The following EXOC4 variants were observed in gnomAD, a reference collection of about 807,000 sequenced individuals.
EXOC4 encodes SEC8-like 1.
Under a neutral mutation model 107.2 loss-of-function variants are expected in EXOC4, and 71 were observed. The observed-to-expected ratio is 0.66, with a 90% CI of 0.55 to 0.81. The LOEUF (loss-of-function observed/expected upper bound fraction) is 0.81, where lower values mean the gene tolerates loss of function less well. Ranked by LOEUF, EXOC4 falls within the 30% of genes least tolerant of loss-of-function variation. The pLI, the probability that EXOC4 is intolerant of heterozygous loss-of-function variation, is 0.00. For synonymous variants in EXOC4, 456 were observed against 441.2 expected, an observed-to-expected ratio of 1.03 and a Z score of -0.42; for missense variants, 1,108 against 1,189.6, an observed-to-expected ratio of 0.93 and a Z score of 1.01.
chr7:133,514,515 T>C (rs1799836735), intron 9 of EXOC4, among the ~76,000 whole-genome samples: 2 of 152,298 alleles, frequency 1.3e-5, no homozygotes, highest in South Asian at 4.1e-4. Flanking sequence ...ATGTAATTTC[T>C]GATAAATCCA....
At chr7:133,278,329 G>A (rs1747278736) in intron 2 of EXOC4, among the ~76,000 whole-genome samples, 1 of 152,160 alleles carries the variant, frequency 6.6e-6, no homozygotes, top group African/African-American at 2.4e-5. Context: ...ATTCTAATCA[G>A]GGGAGACAGA....
At chr7:133,722,520 GTC>G (rs997007018) in intron 10 of EXOC4, among the ~76,000 whole-genome samples, 8 of 152,258 alleles carry the variant, frequency 5.3e-5, no homozygotes, top group Admixed American at 2.0e-4. Flanking sequence ...GCAATTGCAT[GTC>G]TCTATCAGTA....
chr7:133,925,600 T>C (rs1037982209), intron 13 of EXOC4, among the ~76,000 whole-genome samples: 4 of 152,182 alleles, frequency 2.6e-5, no homozygotes, highest in Admixed American at 1.3e-4. Flanking sequence ...CCTCATTTCA[T>C]TCATACCCTG....
chr7:133,480,131 A>G lies in EXOC4; in HGVS notation c.1410A>G (p.Glu470=). The change falls in exon 9 of 18, where the codon GAA becomes GAG. Residue 470 remains glutamate, a synonymous_variant. Coordinates refer to ENST00000253861, the MANE Select transcript of EXOC4 (RefSeq NM_021807.4). ...GGGAGCTCTATAGTCGGAGTGGAGAACTGCAAGGTGAGTGATTGAGCTTCT... is the reference window on the plus strand; with the variant it reads ...GGGAGCTCTATAGTCGGAGTGGAGAGCTGCAAGGTGAGTGATTGAGCTTCT... ...QRRELYSRSG[E]LQGGPDDNLI... 6.2e-7 allele frequency: 1 copy of G among 1,613,948 alleles called. No homozygotes were observed. The highest frequency in any genetic ancestry group is 8.5e-7 in the Non-Finnish European group (1 of 1,179,850).
intron 10 of EXOC4, among the ~76,000 whole-genome samples, chr7:133,716,890 A>G (rs12707115): frequency 0.43 from 64,630 of 152,002 alleles, 13,963 homozygotes; most frequent in South Asian, 0.54. Flanking sequence ...TGGTGAGCCC[A>G]GATCACACCC....
At chr7:133,653,531 G>A (rs2345942) in intron 10 of EXOC4, among the ~76,000 whole-genome samples, 149,941 of 152,346 alleles carry the variant, frequency 0.98, 73,850 homozygotes, top group Middle Eastern at 1. Flanking sequence ...CTCTCTGGCA[G>A]GTTGATAGGG....
chr7:133,928,807 A>G (rs761526972), intron 13 of EXOC4, among the ~76,000 whole-genome samples: 30 of 152,066 alleles, frequency 2.0e-4, no homozygotes, highest in Non-Finnish European at 3.7e-4. Flanking sequence ...TCACCCATCC[A>G]TCAAGCAAGA....
intron 5 of EXOC4, among the ~76,000 whole-genome samples, chr7:133,344,721 G>C (rs1179829089): frequency 6.6e-6 from 1 of 152,162 alleles, no homozygotes; most frequent in Non-Finnish European, 1.5e-5. Flanking sequence ...TCTGTGATCT[G>C]TCTAGATACC....
chr7:134,078,003 A>G, the EXOC4 span, among the ~76,000 whole-genome samples: 1 of 152,356 alleles, frequency 6.6e-6, no homozygotes, highest in Admixed American at 6.5e-5. Flanking sequence ...AGATAATATT[A>G]TCAAGACTTT....
intron 10 of EXOC4, among the ~76,000 whole-genome samples, chr7:133,771,784 A>C (rs1796248668): frequency 1.3e-5 from 2 of 151,974 alleles, no homozygotes; most frequent in South Asian, 4.1e-4. Flanking sequence ...ACTTGTCTAA[A>C]ATATGAGTTC....
At chr7:133,425,687 A>G (rs1345784110) in intron 7 of EXOC4, among the ~76,000 whole-genome samples, 2 of 152,164 alleles carry the variant, frequency 1.3e-5, no homozygotes, top group African/African-American at 4.8e-5. Context: ...ATTAACATCA[A>G]CACAGACTTT....
chr7:133,811,509 A>C (rs561695224), intron 10 of EXOC4, among the ~76,000 whole-genome samples: 1 of 152,358 alleles, frequency 6.6e-6, no homozygotes, highest in African/African-American at 2.4e-5. Flanking sequence ...AGACTCACCA[A>C]AAATGTTGAA....
At chr7:133,740,335 T>G (rs1428192957) in intron 10 of EXOC4, among the ~76,000 whole-genome samples, 1 of 152,188 alleles carries the variant, frequency 6.6e-6, no homozygotes, top group Non-Finnish European at 1.5e-5. Context: ...ACATTTTATA[T>G]ATGAGTCTGC....
At chr7:133,544,464 T>C (rs1800441175) in intron 9 of EXOC4, among the ~76,000 whole-genome samples, 1 of 152,164 alleles carries the variant, frequency 6.6e-6, no homozygotes, top group Admixed American at 6.5e-5. Flanking sequence ...GTTTTTGGTA[T>C]CTTTATTCTG....
intron 5 of EXOC4, among the ~76,000 whole-genome samples, chr7:133,342,647 A>C (rs1795690539): frequency 2.0e-5 from 3 of 149,142 alleles, no homozygotes; most frequent in African/African-American, 7.8e-5. Flanking sequence ...CTTCTTCCTC[A>C]GGAACACCAA....
At chr7:133,684,393 A>G (rs574104245) in intron 10 of EXOC4, among the ~76,000 whole-genome samples, 3 of 152,284 alleles carry the variant, frequency 2.0e-5, no homozygotes, top group Admixed American at 2.0e-4. Flanking sequence ...ACAAATTACC[A>G]TATTTTGGAT....
intron 7 of EXOC4, among the ~76,000 whole-genome samples, chr7:133,464,813 T>TTC (rs1798684707): frequency 9.3e-6 from 1 of 107,936 alleles, no homozygotes; most frequent in African/African-American, 3.5e-5. Flanking sequence ...TTGGGTTGGT[T>TTC]TTTTTTTTTT....
intron 8 of EXOC4, among the ~76,000 whole-genome samples, chr7:133,477,721 A>G (rs1479954803): frequency 6.6e-6 from 1 of 152,204 alleles, no homozygotes; most frequent in Non-Finnish European, 1.5e-5. Flanking sequence ...TTCATAAGAC[A>G]CTGTCAAACT....
intron 5 of EXOC4, among the ~76,000 whole-genome samples, chr7:133,318,964 A>G (rs998831345): frequency 1.1e-4 from 16 of 152,320 alleles, no homozygotes; most frequent in African/African-American, 3.6e-4. Context: ...TTGAGTTTTA[A>G]CACTGCTCTG....
Sources: allele counts gnomAD v4.1 joint callset (sites outside exome capture counted in the v4.1 genomes callset), GRCh38; gene constraint gnomAD v4.1.1; transcripts MANE v1.5; gene names NCBI Gene and HGNC (gene_info 2026-07-23, HGNC 2026-07-21).